The following RGS7BP variants were observed in gnomAD, a reference collection of about 807,000 sequenced individuals.
The protein encoded by RGS7BP is regulator of G protein signaling 7 binding protein.
RGS7BP carries 9 observed loss-of-function variants against 31.3 expected under a neutral mutation model. That is an observed-to-expected ratio of 0.29 (90% confidence interval 0.17 to 0.50). The LOEUF (loss-of-function observed/expected upper bound fraction) is 0.50, where lower values mean the gene tolerates loss of function less well. Among genes scored for constraint, RGS7BP ranks in the 20% least tolerant of loss-of-function variants. RGS7BP has a pLI of 0.98. For synonymous variants in RGS7BP, 115 were observed against 120.1 expected (o/e 0.96, Z 0.28); for missense variants, 274 against 322.0 (o/e 0.85, Z 1.14).
At chr5:64,569,407 G>T (rs950923432) in intron 2 of RGS7BP, among the ~76,000 whole-genome samples, 2 of 151,952 alleles carry the variant, frequency 1.3e-5, no homozygotes, top group Non-Finnish European at 2.9e-5. Context: ...ATGTATAGGT[G>T]CCTTGAAAAA....
In RGS7BP at chr5:64,612,052, T is replaced by C. The variant is rs1580481355; in HGVS notation, c.*2800T>C. On this transcript the variant is annotated 3_prime_UTR_variant, in exon 6 of 6. Coordinates refer to ENST00000334025, the MANE Select transcript of RGS7BP (RefSeq NM_001029875.3). ...AACTTTTGTGGCATACATTCACCCA[T>C]TTTCCCACCATATCTTTACTATCCT... 1.3e-5 allele frequency: 2 copies of C among 152,438 alleles called. No individual in the cohort carries two copies. The highest frequency in any genetic ancestry group is 3.9e-4 in the East Asian group (2 of 5,160). The allele number at this position is 152,438 out of a possible 1,614,324, so 9.4% of individuals were successfully genotyped here. A position where few individuals can be genotyped will look rare whatever the true frequency, so the allele number is the denominator to read the frequency against.
chr5:64,547,661 G>T (rs745610609), intron 2 of RGS7BP, among the ~76,000 whole-genome samples: 3 of 152,066 alleles, frequency 2.0e-5, no homozygotes, highest in Non-Finnish European at 4.4e-5. Flanking sequence ...AATTCTGTCA[G>T]AAATAGTCTC....
chr5:64,603,176 T>A (rs1412410664), intron 5 of RGS7BP, among the ~76,000 whole-genome samples: 2 of 152,070 alleles, frequency 1.3e-5, no homozygotes, highest in Non-Finnish European at 2.9e-5. Flanking sequence ...ATGCTTAAGA[T>A]CTCACCTAAA....
intron 2 of RGS7BP, among the ~76,000 whole-genome samples, chr5:64,551,284 A>G (rs1016338791): frequency 1.4e-5 from 2 of 140,162 alleles, no homozygotes; most frequent in African/African-American, 5.4e-5. Flanking sequence ...TTTTTTTGAG[A>G]TGGAGTCTCA....
intron 3 of RGS7BP, among the ~76,000 whole-genome samples, chr5:64,589,885 A>G (rs942997944): frequency 4.0e-5 from 6 of 150,960 alleles, no homozygotes; most frequent in Non-Finnish European, 8.9e-5. Flanking sequence ...TATTATCATC[A>G]CTGCACTCTA....
chr5:64,609,454 A>G lies in RGS7BP; in HGVS notation c.*202A>G. ...CGTCAAGAAAAAAAAGAACAGATTCAAAAACCAGGCTGTTTTTAAAAGGGA... is the reference window on the plus strand; with the variant it reads ...CGTCAAGAAAAAAAAGAACAGATTCGAAAACCAGGCTGTTTTTAAAAGGGA... On this transcript the variant is annotated 3_prime_UTR_variant, in exon 6 of 6. Coordinates refer to ENST00000334025, the MANE Select transcript of RGS7BP (RefSeq NM_001029875.3). 1.8e-6 allele frequency: 1 copy of G among 547,602 alleles called. No individual in the cohort carries two copies. Among genetic ancestry groups the G allele is most frequent in the African/African-American group, 1.9e-5 (1 of 53,166 alleles). The allele number at this position is 547,602 out of a possible 1,614,324, so 33.9% of individuals were successfully genotyped here.
intron 2 of RGS7BP, among the ~76,000 whole-genome samples, chr5:64,542,895 G>A (rs935098900): frequency 3.9e-5 from 6 of 152,148 alleles, no homozygotes; most frequent in African/African-American, 9.7e-5. Context: ...GGCCCCATAC[G>A]ACTCTGTGAA....
chr5:64,587,510 T>C (rs923663632), intron 3 of RGS7BP, among the ~76,000 whole-genome samples: 6 of 151,918 alleles, frequency 3.9e-5, no homozygotes, highest in Non-Finnish European at 7.4e-5. Flanking sequence ...GTCAGGAAAA[T>C]TAATGCTCAA....
At chr5:64,528,977 C>G (rs902361330) in intron 2 of RGS7BP, among the ~76,000 whole-genome samples, 1 of 152,146 alleles carries the variant, frequency 6.6e-6, no homozygotes, top group African/African-American at 2.4e-5. Context: ...ATTATTACAA[C>G]GTATTCCAAT....
At chr5:64,574,282 G>A (rs939441267) in intron 2 of RGS7BP, among the ~76,000 whole-genome samples, 3 of 152,056 alleles carry the variant, frequency 2.0e-5, no homozygotes, top group African/African-American at 7.2e-5. Context: ...GTGTATGTGT[G>A]TGTGTGTGTC....
chr5:64,581,283 G>C (rs141425618), intron 3 of RGS7BP, among the ~76,000 whole-genome samples: 26 of 152,256 alleles, frequency 1.7e-4, no homozygotes, highest in African/African-American at 5.8e-4. Flanking sequence ...CTCTGTGTGA[G>C]TGCTAAAAGT....
At chr5:64,516,263 G>C (rs543150909) in intron 2 of RGS7BP, among the ~76,000 whole-genome samples, 1 of 152,140 alleles carries the variant, frequency 6.6e-6, no homozygotes, top group Non-Finnish European at 1.5e-5. Flanking sequence ...AGAAGCCAAA[G>C]CCCTCGTATT....
At chr5:64,513,380 TG>T (rs1246352997) in intron 2 of RGS7BP, among the ~76,000 whole-genome samples, 1 of 152,046 alleles carries the variant, frequency 6.6e-6, no homozygotes, top group Non-Finnish European at 1.5e-5. Context: ...CTGGGGGGGT[TG>T]GGGTGGAGTC....
intron 2 of RGS7BP, among the ~76,000 whole-genome samples, chr5:64,549,560 G>A (rs1318504630): frequency 6.6e-6 from 1 of 152,176 alleles, no homozygotes; most frequent in African/African-American, 2.4e-5. Flanking sequence ...TCTTCTTCTT[G>A]AAGAATATCA....
chr5:64,599,172 C>A (rs1046695445), intron 5 of RGS7BP, among the ~76,000 whole-genome samples: 4 of 152,198 alleles, frequency 2.6e-5, no homozygotes, highest in African/African-American at 9.6e-5. Flanking sequence ...GTTAAATCTG[C>A]ACCTACCTTT....
chr5:64,511,323 A>C (rs1243129908), intron 2 of RGS7BP, among the ~76,000 whole-genome samples: 1 of 152,246 alleles, frequency 6.6e-6, no homozygotes, highest in African/African-American at 2.4e-5. Context: ...AGATATCTGC[A>C]TTCTGGACAG....
intron 2 of RGS7BP, among the ~76,000 whole-genome samples, chr5:64,537,214 T>C (rs1325839764): frequency 6.6e-6 from 1 of 152,162 alleles, no homozygotes; most frequent in Non-Finnish European, 1.5e-5. Flanking sequence ...GTTGAAAGAA[T>C]TCTCTTGGGC....
rs570765655 is a variant in RGS7BP, at chr5:64,558,704, C to T, written c.333-17070C>T. 7.2e-5 allele frequency among the ~76,000 whole-genome samples: 11 copies of T among 152,168 alleles called. No homozygotes were observed. In the South Asian group the frequency reaches 2.3e-3, roughly 32 times the overall value. ...AGCTAGGCAGGACACAGCCATATTT[C>T]CCTTATTACTGAAAATGGGTAAGAG... On this transcript the variant is annotated intron_variant, in intron 2 of 5. Coordinates refer to ENST00000334025, the MANE Select transcript of RGS7BP (RefSeq NM_001029875.3).
In RGS7BP at chr5:64,575,768, T is replaced by C. The variant is rs1742403912; in HGVS notation, c.333-6T>C. On this transcript the variant is annotated splice_polypyrimidine_tract_variant and splice_region_variant and intron_variant, in intron 2 of 5. Coordinates refer to ENST00000334025, the MANE Select transcript of RGS7BP (RefSeq NM_001029875.3). ...TTCACAGCTTTTCTCTTTCATTCTG[T>C]TGCAGCCCGGAAGATGGTGAGATCC... The C allele has an allele frequency of 1.2e-6, 2 of 1,605,060 alleles. No individual in the cohort carries two copies. The highest frequency in any genetic ancestry group is 1.7e-6 in the Non-Finnish European group (2 of 1,176,890).
Sources: gnomAD v4.1 joint callset for allele counts (sites outside exome capture counted in the v4.1 genomes callset) on GRCh38, gnomAD v4.1.1 for gene constraint, MANE v1.5 for transcripts, NCBI Gene and HGNC (gene_info 2026-07-23, HGNC 2026-07-21) for gene names.